Variants in SIK3 observed in about 807,000 individuals in gnomAD.
The protein encoded by SIK3 is serine/threonine-protein kinase SIK3.
SIK3 carries 28 observed loss-of-function variants against 144.2 expected under a neutral mutation model. The observed-to-expected ratio is 0.19, with a 90% CI of 0.14 to 0.27. The LOEUF is 0.27. Among genes scored for constraint, SIK3 ranks in the 10% least tolerant of loss-of-function variants. The pLI is 1.00. For synonymous variants in SIK3, 686 were observed against 676.3 expected (o/e 1.01, Z -0.22); for missense variants, 1,319 against 1,776.0 (o/e 0.74, Z 4.62).
chr11:116,933,962 T>C (rs751927409), intron 3 of SIK3, among the ~76,000 whole-genome samples: 35 of 152,234 alleles, frequency 2.3e-4, no homozygotes, highest in Non-Finnish European at 4.1e-4. Context: ...TTGTTCTTTC[T>C]ATTCTTTCTA....
chr11:117,033,036 G>A (rs1167338345), intron 1 of SIK3, among the ~76,000 whole-genome samples: 1 of 152,124 alleles, frequency 6.6e-6, no homozygotes, highest in African/African-American at 2.4e-5. Context: ...ACCTGCCTTA[G>A]TGCAGGACTT....
chr11:117,013,972 C>CTTTTT lies in SIK3; in HGVS notation c.274-56913_274-56909dup, dbSNP rs71037442. ...TGTGTTTTATTTCTTTTTTTCTTTT[C>CTTTTT]TTTTTTTTTTTTTTTTTTTTTTGAG... On this transcript the variant is annotated intron_variant, in intron 1 of 24. Transcript: ENST00000445177. Among the ~76,000 whole-genome samples, 39 of 27,052 alleles carry CTTTTT rather than the reference C, an allele frequency of 1.4e-3. 9 individuals carry two copies. The highest frequency in any genetic ancestry group is 3.3e-3 in the African/African-American group (30 of 9,098). 17.7% of individuals were successfully genotyped at this position (27,052 alleles called of 152,430 possible). A position where few individuals can be genotyped will look rare whatever the true frequency, so the allele number is the denominator to read the frequency against.
intron 1 of SIK3, among the ~76,000 whole-genome samples, chr11:116,992,326 C>CAA (rs577405567): frequency 1.3e-4 from 17 of 131,390 alleles, no homozygotes; most frequent in East Asian, 7.0e-4. Context: ...CCCCCCCCCC[C>CAA]AAAAAAAAAC....
At chr11:117,014,871 C>T (rs1355227261) in intron 1 of SIK3, among the ~76,000 whole-genome samples, 2 of 152,142 alleles carry the variant, frequency 1.3e-5, no homozygotes, top group Non-Finnish European at 2.9e-5. Context: ...TGAGACCAGC[C>T]TGGGCAACAT....
chr11:116,977,118 C>T (rs560561717), intron 1 of SIK3, among the ~76,000 whole-genome samples: 1 of 152,044 alleles, frequency 6.6e-6, no homozygotes, highest in African/African-American at 2.4e-5. Context: ...TGGGAAAAGG[C>T]CAAATATTTC....
chr11:116,888,017 A>G (rs1258336683), intron 6 of SIK3, among the ~76,000 whole-genome samples: 1 of 152,240 alleles, frequency 6.6e-6, no homozygotes, highest in Non-Finnish European at 1.5e-5. Context: ...CATTACTGAC[A>G]ATAGAGAGCA....
Position 117,088,437 on chromosome 11 carries a change from CTA to C in SIK3, c.273+9704_273+9705del, listed in dbSNP as rs993078691. ...AAATTACTTTTCTTTAACATCTTAACTATAGATAGGAAATTCCAATAGTAAAA... is the reference window on the plus strand; with the variant it reads ...AAATTACTTTTCTTTAACATCTTAACTAGATAGGAAATTCCAATAGTAAAA... On this transcript the variant is annotated intron_variant, in intron 1 of 24. Coordinates refer to ENST00000445177, the MANE Select transcript of SIK3 (RefSeq NM_001366686.3). Among the ~76,000 whole-genome samples the C allele has an allele frequency of 2.0e-5, 3 of 152,162 alleles. No individual in the cohort carries two copies. The East Asian group carries it at 5.8e-4, about 29-fold the overall frequency.
chr11:116,968,146 T>C (rs1272942768), intron 1 of SIK3, among the ~76,000 whole-genome samples: 2 of 152,228 alleles, frequency 1.3e-5, no homozygotes, highest in Non-Finnish European at 2.9e-5. Context: ...CTGGGTTTTT[T>C]TGTTTTTGTT....
At chr11:116,855,856 T>C (rs1397515605) in intron 21 of SIK3, 2 of 152,234 alleles carry the variant, frequency 1.3e-5, no homozygotes, top group Admixed American at 6.5e-5. Flanking sequence ...TGTAGGGTTG[T>C]TGTAAGGATT....
In SIK3 at chr11:116,947,531, A is replaced by ATGTATG. The variant is rs1555107760; in HGVS notation, c.454+6512_454+6513insCATACA. Among the ~76,000 whole-genome samples, 1,166 of 124,868 alleles carry ATGTATG rather than the reference A, an allele frequency of 9.3e-3. 21 individuals carry two copies. Among genetic ancestry groups the ATGTATG allele is most frequent in the African/African-American group, 0.03 (987 of 33,302 alleles). The allele number at this position is 124,868 out of a possible 152,430, so 81.9% of individuals were successfully genotyped here. A position where few individuals can be genotyped will look rare whatever the true frequency, so the allele number is the denominator to read the frequency against. ...TTTAGCTAGGGAAATATATATATAT[A>ATGTATG]TATGTATGTATGTATGTATGTATGT... On this transcript the variant is annotated intron_variant, in intron 3 of 24. Transcript: ENST00000445177.
chr11:116,972,633 C>T (rs1056691836), intron 1 of SIK3, among the ~76,000 whole-genome samples: 1 of 152,174 alleles, frequency 6.6e-6, no homozygotes, highest in Non-Finnish European at 1.5e-5. Flanking sequence ...GACAGACTTA[C>T]TGGATGCAGT....
At position 116,849,022 on chromosome 11, in the gene SIK3, G is replaced by A. The variant is rs1270368364; in HGVS notation, c.3819+98C>T. 8.9e-6 allele frequency: 12 copies of A among 1,341,110 alleles called. No homozygotes were observed. The highest frequency in any genetic ancestry group is 1.2e-5 in the Non-Finnish European group (12 of 999,250). 83.1% of individuals were successfully genotyped at this position (1,341,110 alleles called of 1,614,324 possible). A position where few individuals can be genotyped will look rare whatever the true frequency, so the allele number is the denominator to read the frequency against. ...TCCAGAAAGGCTGAATGCTGACTGA[G>A]GAGAGCGGCCAAGAGAGGCTACCCC... On this transcript the variant is annotated intron_variant, in intron 22 of 24. Transcript: ENST00000445177. The surrounding 1 kb of genome is among the most constrained non-coding windows in gnomAD (Gnocchi z 4.2).
intron 1 of SIK3, among the ~76,000 whole-genome samples, chr11:116,959,486 T>C (rs1371960759): frequency 6.6e-6 from 1 of 152,236 alleles, no homozygotes; most frequent in Non-Finnish European, 1.5e-5. Context: ...CTAAGGCCTG[T>C]GCCTGAAATC....
In SIK3 at chr11:117,098,174, T is replaced by C; in HGVS notation, c.242A>G (p.Lys81Arg). Reference sequence around the variant, plus strand: ...CTTGGTGACGAGGTGCGTGGCCCGCTTGACCACCGCGAAGTTGCCCTTGCC... The same window carrying C: ...CTTGGTGACGAGGTGCGTGGCCCGCCTGACCACCGCGAAGTTGCCCTTGCC... ...TIGKGNFAVV[K>R]RATHLVTKAK... Residue 81 changes from lysine to arginine, a missense_variant, in exon 1 of 25, where the codon AAG becomes AGG. By Grantham distance (26) the Lys-to-Arg change is conservative. Coordinates refer to ENST00000445177, the MANE Select transcript of SIK3 (RefSeq NM_001366686.3). 6.6e-7 allele frequency: 1 copy of C among 1,518,224 alleles called. No individual in the cohort carries two copies. Among genetic ancestry groups the C allele is most frequent in the Non-Finnish European group, 8.8e-7 (1 of 1,132,404 alleles). The allele number at this position is 1,518,224 out of a possible 1,614,324, so 94.0% of individuals were successfully genotyped here.
chr11:116,894,387 ACT>A (rs1452179646), intron 6 of SIK3, among the ~76,000 whole-genome samples: 1 of 152,062 alleles, frequency 6.6e-6, no homozygotes, highest in African/African-American at 2.4e-5. Flanking sequence ...TCATATCTTA[ACT>A]CTGATGTCTA....
In SIK3 at chr11:116,958,826, C is replaced by T. The variant is rs1014876289; in HGVS notation, c.274-1762G>A. 4.6e-5 allele frequency among the ~76,000 whole-genome samples: 7 copies of T among 152,202 alleles called. No homozygotes were observed. The East Asian group carries it at 1.3e-3, about 29-fold the overall frequency. The stretch of plus-strand genomic sequence containing the variant: ...CCTCATTACTGCACCAGATCACATA[C>T]AAGACCTTAACTCCACAACTGGTCT... On this transcript the variant is annotated intron_variant, in intron 1 of 24. Coordinates refer to ENST00000445177, the MANE Select transcript of SIK3 (RefSeq NM_001366686.3).
At chr11:116,934,739 G>C (rs1947811665) in intron 3 of SIK3, among the ~76,000 whole-genome samples, 1 of 151,722 alleles carries the variant, frequency 6.6e-6, no homozygotes, top group Non-Finnish European at 1.5e-5. Context: ...TTAAAGACCA[G>C]CCTGAACAGC....
At chr11:116,936,990 C>T (rs1251073578) in intron 3 of SIK3, among the ~76,000 whole-genome samples, 1 of 152,198 alleles carries the variant, frequency 6.6e-6, no homozygotes, top group African/African-American at 2.4e-5. Context: ...TGAAGCTAAC[C>T]CTAACCTACT....
intron 16 of SIK3, among the ~76,000 whole-genome samples, chr11:116,862,535 T>C (rs1235566152): frequency 1.3e-5 from 2 of 152,216 alleles, no homozygotes; most frequent in Non-Finnish European, 2.9e-5. Flanking sequence ...ATGGAAAACA[T>C]CAAGGATGGC....
Sources: gnomAD v4.1 joint callset for allele counts (sites outside exome capture counted in the v4.1 genomes callset) on GRCh38, gnomAD v4.1.1 for gene constraint, Gnocchi (gnomAD v3.1) non-coding constraint, MANE v1.5 for transcripts, NCBI Gene and HGNC (gene_info 2026-07-23, HGNC 2026-07-21) for gene names.